The following XKR4 variants were observed in gnomAD, a reference collection of about 807,000 sequenced individuals.
XKR4 encodes XK related 4.
A neutral mutation model predicts 53.9 loss-of-function variants in XKR4; 12 were observed. That is an observed-to-expected ratio of 0.22 (90% CI 0.14 to 0.36). The LOEUF is 0.36. Ranked by LOEUF, XKR4 falls within the 10% of genes least tolerant of loss-of-function variation. The pLI is 1.00. For missense variants in XKR4, 799 were observed against 859.5 expected (o/e 0.93, Z 0.88); for synonymous variants, 354 against 362.4 (o/e 0.98, Z 0.26).
intron 2 of XKR4, among the ~76,000 whole-genome samples, chr8:55,366,252 C>G (rs993203696): frequency 7.9e-5 from 12 of 152,208 alleles, no homozygotes; most frequent in Admixed American, 2.6e-4. Flanking sequence ...GCAGAGTCCC[C>G]CCTTTCGGGT....
At position 55,426,369 on chromosome 8, in the gene XKR4, T is replaced by C. The variant is rs57608129; in HGVS notation, c.1006+68492T>C. ...TTCCTAAAACTCATGGCATGCTCAC[T>C]TGCGCTCTCTCTCTCTCTCTGTCAC... is the stretch of plus-strand genomic sequence containing the variant. On this transcript the variant is annotated intron_variant, in intron 2 of 2. Transcript: ENST00000327381. Among the ~76,000 whole-genome samples, 872 of 152,070 alleles carry C rather than the reference T, an allele frequency of 5.7e-3. 8 individuals are homozygous for C. The highest frequency in any genetic ancestry group is 0.02 in the African/African-American group (815 of 41,472).
rs1472474129 is a variant in XKR4 at position 55,528,224 on chromosome 8, T to A, written c.*3997T>A. ...CGAACTTCAGTTGGAAATACCTAAA[T>A]ATAATTCAGCACTTCTTAGCTCGAA... is the stretch of plus-strand genomic sequence containing the variant. On this transcript the variant is annotated 3_prime_UTR_variant, in exon 3 of 3. Transcript: ENST00000327381. 2.0e-5 allele frequency: 3 copies of A among 152,220 alleles called. No homozygotes were observed. Among genetic ancestry groups the A allele is most frequent in the East Asian group, 1.9e-4 (1 of 5,198 alleles). The allele number at this position is 152,220 out of a possible 1,614,324, so 9.4% of individuals were successfully genotyped here.
chr8:55,144,024 C>A (rs991955554), intron 1 of XKR4, among the ~76,000 whole-genome samples: 1 of 152,184 alleles, frequency 6.6e-6, no homozygotes, highest in Non-Finnish European at 1.5e-5. Context: ...TAATTCAAAT[C>A]CTCATTACTT....
At chr8:55,404,084 G>A (rs183519536) in intron 2 of XKR4, among the ~76,000 whole-genome samples, 89 of 152,314 alleles carry the variant, frequency 5.8e-4, no homozygotes, top group African/African-American at 2.1e-3. Flanking sequence ...ATGTAGATGT[G>A]TATGTGTGCT....
chr8:55,411,282 G>A (rs551928254), intron 2 of XKR4, among the ~76,000 whole-genome samples: 34 of 152,234 alleles, frequency 2.2e-4, no homozygotes, highest in African/African-American at 7.5e-4. Context: ...TGAGAGATGA[G>A]GATCATAACT....
chr8:55,137,596 A>G (rs1218235087), intron 1 of XKR4, among the ~76,000 whole-genome samples: 3 of 148,778 alleles, frequency 2.0e-5, no homozygotes, highest in African/African-American at 7.4e-5. Context: ...TTTTTTTGAA[A>G]TAGGGGCTTG....
Position 55,338,348 on chromosome 8 carries a change from T to A in XKR4, c.807-19330T>A, listed in dbSNP as rs538483432. On this transcript the variant is annotated intron_variant, in intron 1 of 2. Transcript: ENST00000327381. The stretch of plus-strand genomic sequence containing the variant: ...AAGCCCAGCCTGTGACAAGAGCTAG[T>A]GTGCATGTGCTGTATTTTGGGTTGT... Among the ~76,000 whole-genome samples, 28 of 152,280 alleles carry A rather than the reference T, an allele frequency of 1.8e-4. 1 individual carries two copies. The highest frequency in any genetic ancestry group is 7.4e-5 in the Non-Finnish European group (5 of 68,010).
At chr8:55,115,650 G>T (rs186632592) in intron 1 of XKR4, among the ~76,000 whole-genome samples, 26 of 151,192 alleles carry the variant, frequency 1.7e-4, no homozygotes, top group African/African-American at 6.1e-4. Flanking sequence ...GGGCATGGTG[G>T]TACGCACCTG....
chr8:55,305,644 T>G (rs1218864153), intron 1 of XKR4, among the ~76,000 whole-genome samples: 1 of 152,196 alleles, frequency 6.6e-6, no homozygotes, highest in East Asian at 1.9e-4. Flanking sequence ...AAATTTGACA[T>G]ATTTTATAAA....
intron 1 of XKR4, among the ~76,000 whole-genome samples, chr8:55,341,396 G>T (rs987901607): frequency 3.3e-5 from 5 of 152,134 alleles, no homozygotes; most frequent in African/African-American, 1.2e-4. Flanking sequence ...CTTTTAGGCT[G>T]CCCTGCATGA....
At chr8:55,142,262 A>T in intron 1 of XKR4, 1 of 448,220 alleles carries the variant, frequency 2.2e-6, no homozygotes. Flanking sequence ...CTCGTAGGAG[A>T]AGTTGCCATT....
At chr8:55,505,346 A>G (rs1806511281) in intron 2 of XKR4, among the ~76,000 whole-genome samples, 1 of 152,204 alleles carries the variant, frequency 6.6e-6, no homozygotes, top group East Asian at 1.9e-4. Flanking sequence ...ATGTTGTTTA[A>G]GCCTGGGCAA....
In XKR4 at chr8:55,399,177, T is replaced by G. The variant is rs1053655821; in HGVS notation, c.1006+41300T>G. On this transcript the variant is annotated intron_variant, in intron 2 of 2. Coordinates refer to ENST00000327381, the MANE Select transcript of XKR4 (RefSeq NM_052898.2). The stretch of plus-strand genomic sequence containing the variant: ...TGACACTGACTTCCAGTGGGGAGTC[T>G]GGACTTTCTACAATATTTGTCCCAA... 4.6e-5 allele frequency among the ~76,000 whole-genome samples: 7 copies of G among 152,332 alleles called. No homozygotes were observed. In the East Asian group the frequency reaches 1.4e-3, roughly 29 times the overall value.
At chr8:55,254,808 G>A (rs1818414750) in intron 1 of XKR4, among the ~76,000 whole-genome samples, 2 of 152,166 alleles carry the variant, frequency 1.3e-5, no homozygotes, top group African/African-American at 4.8e-5. Flanking sequence ...GGTTCGAACT[G>A]ACTTATTTGT....
intron 1 of XKR4, among the ~76,000 whole-genome samples, chr8:55,332,425 C>T (rs1176534359): frequency 6.6e-6 from 1 of 151,906 alleles, no homozygotes; most frequent in Non-Finnish European, 1.5e-5. Context: ...ATCAAGTTAC[C>T]ATCTTGCATC....
rs530297321 is a variant in XKR4 at position 55,226,535 on chromosome 8, G to A, written c.806+123241G>A. Among the ~76,000 whole-genome samples, 14 of 152,226 alleles carry A rather than the reference G, an allele frequency of 9.2e-5. No individual in the cohort carries two copies. The South Asian group carries it at 2.7e-3, about 29-fold the overall frequency. ...GGTAGGGACAAGACGTATCCATCCT[G>A]TTAAGTGAAAAAATCTATCTTCCCA... On this transcript the variant is annotated intron_variant, in intron 1 of 2. Transcript: ENST00000327381.
intron 2 of XKR4, among the ~76,000 whole-genome samples, chr8:55,378,280 G>A (rs1298714739): frequency 6.6e-6 from 1 of 152,156 alleles, no homozygotes; most frequent in Non-Finnish European, 1.5e-5. Flanking sequence ...GTTCTTAATG[G>A]TCAGAGTCAG....
At chr8:55,111,695 G>C (rs549965569) in intron 1 of XKR4, among the ~76,000 whole-genome samples, 1 of 152,128 alleles carries the variant, frequency 6.6e-6, no homozygotes, top group Non-Finnish European at 1.5e-5. Flanking sequence ...CATATAGACT[G>C]GAGAAGCCAA....
At chr8:55,454,027 G>T (rs147092761) in intron 2 of XKR4, 2 of 894,346 alleles carry the variant, frequency 2.2e-6, no homozygotes, top group East Asian at 2.8e-5. Context: ...CGACGTGCAG[G>T]CACCAGAGAT....
Sources: gnomAD v4.1 joint callset for allele counts (sites outside exome capture counted in the v4.1 genomes callset) on GRCh38, gnomAD v4.1.1 for gene constraint, MANE v1.5 for transcripts, NCBI Gene and HGNC (gene_info 2026-07-23, HGNC 2026-07-21) for gene names.